SMARCC1: variants seen among roughly 807,000 people sequenced by gnomAD.
The protein encoded by SMARCC1 is SWI/SNF related BAF chromatin remodeling complex subunit C1.
In SMARCC1, 43 loss-of-function variants were observed where a neutral mutation model predicts 147.4. That is an observed-to-expected ratio of 0.29 (90% CI 0.23 to 0.38). SMARCC1 has a LOEUF of 0.38. SMARCC1 is among the 10% of genes least tolerant of loss of function. The pLI is 1.00. For missense variants in SMARCC1, 1,119 were observed against 1,381.1 expected, an observed-to-expected ratio of 0.81 and a Z score of 3.01; for synonymous variants, 495 against 484.4, an observed-to-expected ratio of 1.02 and a Z score of -0.29.
chr3:47,642,981 GGCTGCAGAGA>G (rs1225539252), intron 21 of SMARCC1, among the ~76,000 whole-genome samples: 1 of 152,168 alleles, frequency 6.6e-6, no homozygotes, highest in Non-Finnish European at 1.5e-5. Context: ...GGGAAGTTGA[GGCTGCAGAGA>G]GCTTTGATCA....
At chr3:47,673,612 C>A (rs920881600) in intron 18 of SMARCC1, among the ~76,000 whole-genome samples, 3 of 152,100 alleles carry the variant, frequency 2.0e-5, no homozygotes, top group African/African-American at 4.8e-5. Flanking sequence ...TCACTTGAAC[C>A]GTGGAGGTGG....
At chr3:47,710,232 C>G (rs1237243448) in intron 9 of SMARCC1, among the ~76,000 whole-genome samples, 2 of 151,934 alleles carry the variant, frequency 1.3e-5, no homozygotes, top group African/African-American at 4.8e-5. Context: ...GCAGGAGAAT[C>G]GCTTCAACCC....
In SMARCC1 at chr3:47,678,446, T is replaced by C. The variant is rs866852895; in HGVS notation, c.1458-135A>G. On this transcript the variant is annotated intron_variant, in intron 15 of 27. Transcript: ENST00000254480. ...GACAAGAGCATAAAAAACATTGATA[T>C]TATATTGCACATTTAAAGTTATGAG... 7.1e-5 allele frequency: 34 copies of C among 476,272 alleles called. No individual in the cohort carries two copies. In the South Asian group the frequency reaches 1.4e-3, roughly 20 times the overall value. The allele number at this position is 476,272 out of a possible 1,614,324, so 29.5% of individuals were successfully genotyped here.
Position 47,585,944 on chromosome 3 carries a change from CTTCA to C in SMARCC1, c.*2261_*2264del, listed in dbSNP as rs1190166361. 2 of 152,582 alleles carry C rather than the reference CTTCA, an allele frequency of 1.3e-5. No homozygotes were observed. Among genetic ancestry groups the C allele is most frequent in the Non-Finnish European group, 2.9e-5 (2 of 68,020 alleles). 9.5% of individuals were successfully genotyped at this position (152,582 alleles called of 1,614,324 possible). A position where few individuals can be genotyped will look rare whatever the true frequency, so the allele number is the denominator to read the frequency against. On this transcript the variant is annotated 3_prime_UTR_variant, in exon 28 of 28. Transcript: ENST00000254480. Reference sequence around the variant, plus strand: ...CTGAAAAAGAGAGAGATTAGGCCTTCTTCATTCATTTTCTCCATTCTTGCCAAAC... The same window carrying C: ...CTGAAAAAGAGAGAGATTAGGCCTTCTTCATTTTCTCCATTCTTGCCAAAC...
chr3:47,680,186 C>T (rs1018435968), intron 15 of SMARCC1: 1 of 373,278 alleles, frequency 2.7e-6, no homozygotes, highest in Non-Finnish European at 4.8e-6. Context: ...CATGACACTG[C>T]ACAACAGCCT....
intron 26 of SMARCC1, chr3:47,604,376 A>G (rs576805449): frequency 2.3e-6 from 1 of 442,500 alleles, no homozygotes; most frequent in East Asian, 7.0e-5. Flanking sequence ...TTCCCATCAT[A>G]TATCATAAAG....
At chr3:47,639,065 C>T (rs1005988996) in intron 21 of SMARCC1, among the ~76,000 whole-genome samples, 1 of 152,078 alleles carries the variant, frequency 6.6e-6, no homozygotes, top group African/African-American at 2.4e-5. Context: ...AGGGGAGGTC[C>T]TAGGGTGCTG....
intron 9 of SMARCC1, among the ~76,000 whole-genome samples, chr3:47,707,602 G>A (rs764030579): frequency 3.3e-5 from 5 of 151,704 alleles, no homozygotes; most frequent in Non-Finnish European, 7.4e-5. Context: ...GGCTGGTCAC[G>A]GTGGCTCACA....
intron 15 of SMARCC1, 51 bp downstream of exon 15, chr3:47,680,386 C>G: frequency 8.2e-7 from 1 of 1,215,234 alleles, no homozygotes; most frequent in South Asian, 1.2e-5. Context: ...GCTTGAAGAG[C>G]CCCTACCGCA....
chr3:47,738,165 A>G (rs2034467223), intron 3 of SMARCC1, 55 bp from the exon 4 acceptor site: 8 of 1,249,150 alleles, frequency 6.4e-6, no homozygotes, highest in Non-Finnish European at 9.0e-6. Flanking sequence ...ACACAAATGA[A>G]AACTTGGTTT....
chr3:47,665,734 G>A (rs2033412039), intron 19 of SMARCC1, among the ~76,000 whole-genome samples: 1 of 152,036 alleles, frequency 6.6e-6, no homozygotes, highest in Non-Finnish European at 1.5e-5. Context: ...GAAGGAGGAT[G>A]ATTCAATGAA....
chr3:47,752,451 G>A (rs2034639319), intron 2 of SMARCC1, among the ~76,000 whole-genome samples: 1 of 152,126 alleles, frequency 6.6e-6, no homozygotes, highest in Non-Finnish European at 1.5e-5. Flanking sequence ...AGCACAGGAT[G>A]TTAGAGCAAA....
At chr3:47,702,299 T>C (rs961254595) in intron 10 of SMARCC1, among the ~76,000 whole-genome samples, 12 of 146,948 alleles carry the variant, frequency 8.2e-5, no homozygotes, top group Admixed American at 4.8e-4. Flanking sequence ...AGGACAGAAA[T>C]CTTTACCTCA....
intron 7 of SMARCC1, among the ~76,000 whole-genome samples, chr3:47,716,409 C>T (rs1363371532): frequency 8.2e-6 from 1 of 121,960 alleles, no homozygotes; most frequent in African/African-American, 3.2e-5. Context: ...GAGTGAGACT[C>T]CATCTCAAAA....
intron 11 of SMARCC1, among the ~76,000 whole-genome samples, chr3:47,697,248 C>T (rs1348112501): frequency 6.6e-6 from 1 of 150,840 alleles, no homozygotes; most frequent in Non-Finnish European, 1.5e-5. Flanking sequence ...GAGTGAGCAG[C>T]AAGACGTGAC....
In SMARCC1 at chr3:47,635,261, G is replaced by A. The variant is rs749454885; in HGVS notation, c.2575C>T (p.His859Tyr). ...GCAACATTTCCTTCGGAAATTTCAT[G>A]TTCTACTTTCTTCTTCCCAGTATCA... ...ESDTGKKKVEHEISEGNVATA... is the reference protein window; with the variant it reads ...ESDTGKKKVEYEISEGNVATA... Residue 859 changes from histidine (H) to tyrosine (Y), a missense_variant, in exon 24 of 28, where the codon CAT becomes TAT. By Grantham distance (83) the His-to-Tyr change is moderately conservative. Coordinates refer to ENST00000254480, the MANE Select transcript of SMARCC1 (RefSeq NM_003074.4). 11 of 1,613,488 alleles carry A rather than the reference G, an allele frequency of 6.8e-6. No homozygotes were observed. The highest frequency in any genetic ancestry group is 2.2e-5 in the East Asian group (1 of 44,878).
At chr3:47,747,520 C>A (rs1471451712) in intron 2 of SMARCC1, among the ~76,000 whole-genome samples, 1 of 106,928 alleles carries the variant, frequency 9.4e-6, no homozygotes, top group African/African-American at 3.0e-5. Flanking sequence ...GCCTGTAGTC[C>A]CACCTACTCA....
At chr3:47,634,854 A>G (rs1028450611) in intron 24 of SMARCC1, among the ~76,000 whole-genome samples, 3 of 152,248 alleles carry the variant, frequency 2.0e-5, no homozygotes, top group Admixed American at 1.3e-4. Flanking sequence ...GGTAGAAATT[A>G]TTGGAACAAT....
intron 24 of SMARCC1, among the ~76,000 whole-genome samples, chr3:47,623,253 A>T (rs2032761517): frequency 6.7e-6 from 1 of 149,742 alleles, no homozygotes; most frequent in African/African-American, 2.5e-5. Context: ...GCCTAAGCCA[A>T]CTGAGTAGCT....
Sources: gnomAD v4.1 joint callset for allele counts (sites outside exome capture counted in the v4.1 genomes callset) on GRCh38, gnomAD v4.1.1 for gene constraint, MANE v1.5 for transcripts, NCBI Gene and HGNC (gene_info 2026-07-23, HGNC 2026-07-21) for gene names.